PCDH15: variants seen among roughly 807,000 people sequenced by gnomAD.
PCDH15 encodes the protein protocadherin-15.
Under a neutral mutation model 178.5 loss-of-function variants are expected in PCDH15, and 129 were observed. The observed-to-expected ratio is 0.72, with a 90% CI of 0.63 to 0.84. The LOEUF (loss-of-function observed/expected upper bound fraction) is 0.84. Ranked by LOEUF, PCDH15 falls within the 40% of genes least tolerant of loss-of-function variation. The pLI is 0.00. For synonymous variants in PCDH15, 800 were observed against 732.0 expected (o/e 1.09, Z -1.50); for missense variants, 2,230 against 2,099.9 (o/e 1.06, Z -1.21).
intron 2 of PCDH15, among the ~76,000 whole-genome samples, chr10:55,083,660 A>G (rs1359261666): frequency 6.6e-6 from 1 of 151,936 alleles, no homozygotes; most frequent in African/African-American, 2.4e-5. Flanking sequence ...TATAAGTGGG[A>G]AAAACCTAAA....
chr10:53,862,113 G>A (rs761075130), intron 27 of PCDH15, among the ~76,000 whole-genome samples: 23 of 151,730 alleles, frequency 1.5e-4, no homozygotes, highest in Non-Finnish European at 2.9e-4. Context: ...TGCAAATGGC[G>A]TGATCTCAGC....
At chr10:54,126,876 A>T (rs2042034523) in intron 15 of PCDH15, among the ~76,000 whole-genome samples, 1 of 152,042 alleles carries the variant, frequency 6.6e-6, no homozygotes, top group South Asian at 2.1e-4. Context: ...GTTTGTTTAT[A>T]TGTTTCTTAC....
intron 2 of PCDH15, among the ~76,000 whole-genome samples, chr10:55,457,138 G>A (rs1839572392): frequency 6.6e-6 from 1 of 151,840 alleles, no homozygotes. Context: ...AGGTGGGAAG[G>A]GTATCTATAC....
Position 55,089,163 on chromosome 10 carries a change from A to G in PCDH15, c.-80+77413T>C, listed in dbSNP as rs906477474. ...GTCCAGTAGTTTAATGTTTCATAAAACCAAATAATCACATAATTCGTAAGA... is the reference window on the plus strand; with the variant it reads ...GTCCAGTAGTTTAATGTTTCATAAAGCCAAATAATCACATAATTCGTAAGA... On this transcript the variant is annotated intron_variant, in intron 2 of 5. Transcript: ENST00000458638. Among the ~76,000 whole-genome samples, 4 of 152,170 alleles carry G rather than the reference A, an allele frequency of 2.6e-5. No individual in the cohort carries two copies. In the East Asian group the frequency reaches 7.7e-4, roughly 29 times the overall value.
At chr10:54,405,429 A>G (rs1358925754) in intron 3 of PCDH15, among the ~76,000 whole-genome samples, 2 of 152,208 alleles carry the variant, frequency 1.3e-5, no homozygotes, top group South Asian at 2.1e-4. Context: ...AAACAAATGC[A>G]GGAACAGAAA....
chr10:54,342,815 A>T (rs1469855612), intron 6 of PCDH15, among the ~76,000 whole-genome samples: 1 of 152,152 alleles, frequency 6.6e-6, no homozygotes, highest in African/African-American at 2.4e-5. Context: ...TGAGACATGG[A>T]GTCAAATGAG....
intron 3 of PCDH15, among the ~76,000 whole-genome samples, chr10:54,452,032 T>C (rs2076512314): frequency 6.6e-6 from 1 of 151,994 alleles, no homozygotes; most frequent in Non-Finnish European, 1.5e-5. Flanking sequence ...CTAATTTCCA[T>C]TATAATATAT....
chr10:54,238,933 A>G (rs1165123041), intron 8 of PCDH15, among the ~76,000 whole-genome samples: 1 of 151,986 alleles, frequency 6.6e-6, no homozygotes, highest in African/African-American at 2.4e-5. Context: ...ATCTGCAGTA[A>G]TTTTTCCAAA....
chr10:55,190,712 A>G (rs1199744211), intron 1 of PCDH15, among the ~76,000 whole-genome samples: 1 of 151,708 alleles, frequency 6.6e-6, no homozygotes, highest in Non-Finnish European at 1.5e-5. Context: ...ATGGTAGGAA[A>G]TATATGCATA....
chr10:54,174,275 G>A (rs1383040046), intron 13 of PCDH15, among the ~76,000 whole-genome samples: 1 of 152,100 alleles, frequency 6.6e-6, no homozygotes, highest in East Asian at 1.9e-4. Flanking sequence ...GCTCACACCT[G>A]TAATCCCAGC....
chr10:55,407,756 C>A (rs1375130819), intron 2 of PCDH15, among the ~76,000 whole-genome samples: 3 of 152,082 alleles, frequency 2.0e-5, no homozygotes, highest in Admixed American at 1.3e-4. Context: ...AGACGCATTT[C>A]TTAGAAAGGA....
intron 2 of PCDH15, among the ~76,000 whole-genome samples, chr10:55,067,912 T>C (rs1841609225): frequency 6.6e-6 from 1 of 152,096 alleles, no homozygotes; most frequent in Non-Finnish European, 1.5e-5. Context: ...TTTATTCGTG[T>C]CCTTTGCCAA....
At chr10:54,610,375 T>C (rs1372864521) in intron 2 of PCDH15, among the ~76,000 whole-genome samples, 3 of 151,918 alleles carry the variant, frequency 2.0e-5, no homozygotes, top group African/African-American at 7.2e-5. Flanking sequence ...ATTATCTCAT[T>C]CCATTTACAC....
At chr10:54,482,563 C>T (rs951368011) in intron 3 of PCDH15, among the ~76,000 whole-genome samples, 4 of 151,690 alleles carry the variant, frequency 2.6e-5, no homozygotes, top group African/African-American at 9.7e-5. Context: ...AGCAATGCTA[C>T]TTGCACCTCA....
intron 2 of PCDH15, among the ~76,000 whole-genome samples, chr10:54,945,779 C>A (rs764449713): frequency 2.0e-5 from 3 of 151,694 alleles, no homozygotes; most frequent in Non-Finnish European, 4.4e-5. Context: ...GGCTGCATTA[C>A]GTTCACATAG....
chr10:54,460,172 A>G (rs982994058), intron 3 of PCDH15, among the ~76,000 whole-genome samples: 2 of 152,138 alleles, frequency 1.3e-5, no homozygotes, highest in Non-Finnish European at 2.9e-5. Flanking sequence ...ATAATTTCAT[A>G]CTGAACTCTT....
intron 2 of PCDH15, among the ~76,000 whole-genome samples, chr10:55,571,846 A>G (rs183990827): frequency 1.3e-5 from 2 of 152,206 alleles, no homozygotes; most frequent in African/African-American, 2.4e-5. Context: ...CTTGCCTTAG[A>G]TTCTTGAAAT....
chr10:54,152,988 G>A (rs2044691015), intron 14 of PCDH15, 112 bp downstream of exon 14: 1 of 1,261,050 alleles, frequency 7.9e-7, no homozygotes, highest in South Asian at 1.3e-5. Context: ...CTGATTTTCT[G>A]ATCTAATTTA....
In PCDH15 at chr10:55,058,357, C is replaced by T. The variant is rs992352153; in HGVS notation, c.-80+108219G>A. Among the ~76,000 whole-genome samples, 9 of 152,040 alleles carry T rather than the reference C, an allele frequency of 5.9e-5. No individual in the cohort carries two copies. The South Asian group carries it at 1.0e-3, about 18-fold the overall frequency. On this transcript the variant is annotated intron_variant, in intron 2 of 5. Transcript: ENST00000458638. Reference sequence around the variant, plus strand: ...TCCAGAATAGCTGAGACAATAGGTGCACCCACAAAGCCTGATTAATTTTTG... The same window carrying T: ...TCCAGAATAGCTGAGACAATAGGTGTACCCACAAAGCCTGATTAATTTTTG...
Sources: allele counts gnomAD v4.1 joint callset (sites outside exome capture counted in the v4.1 genomes callset), GRCh38; gene constraint gnomAD v4.1.1; transcripts MANE v1.5; gene names NCBI Gene and HGNC (gene_info 2026-07-23, HGNC 2026-07-21).